PLCE1: variants seen among roughly 807,000 people sequenced by gnomAD.
PLCE1 encodes phospholipase C epsilon 1.
In PLCE1, 119 loss-of-function variants were observed where a neutral mutation model predicts 242.8. The observed-to-expected ratio is 0.49, with a 90% CI of 0.42 to 0.57. The LOEUF (loss-of-function observed/expected upper bound fraction) is 0.57. Among genes scored for constraint, PLCE1 ranks in the 20% least tolerant of loss-of-function variants. The pLI, the probability that PLCE1 is intolerant of heterozygous loss-of-function variation, is 0.00. For synonymous variants in PLCE1, 945 were observed against 1,017.4 expected (o/e 0.93, Z 1.35); for missense variants, 2,441 against 2,788.8 (o/e 0.88, Z 2.81).
At position 94,227,290 on chromosome 10, in the gene PLCE1, T is replaced by C. The variant is rs750152227; in HGVS notation, c.1810-16T>C. Reference sequence around the variant, plus strand: ...CTAGGACATAATTCCCGTGAATGTCTCTGTGTGTTTTCCAGGTGAGCTCCT... The same window carrying C: ...CTAGGACATAATTCCCGTGAATGTCCCTGTGTGTTTTCCAGGTGAGCTCCT... On this transcript the variant is annotated splice_polypyrimidine_tract_variant and intron_variant, in intron 4 of 32. Transcript: ENST00000371380. The C allele has an allele frequency of 1.9e-6, 3 of 1,613,318 alleles. No homozygotes were observed. The Admixed American group carries it at 5.0e-5, about 27-fold the overall frequency.
chr10:94,002,861 C>T (rs1318068311), intron 1 of PLCE1, among the ~76,000 whole-genome samples: 1 of 152,140 alleles, frequency 6.6e-6, no homozygotes, highest in Non-Finnish European at 1.5e-5. Context: ...TCCTAGATTC[C>T]TTGCTTAACA....
intron 4 of PLCE1, among the ~76,000 whole-genome samples, chr10:94,216,886 G>C (rs1459173997): frequency 6.6e-6 from 1 of 151,754 alleles, no homozygotes; most frequent in Non-Finnish European, 1.5e-5. Context: ...GCATTTCTTT[G>C]CCCAGTAGAT....
In PLCE1 at chr10:94,246,094, G is replaced by A. The variant is rs761578986; in HGVS notation, c.2569G>A (p.Val857Met). ...PWYVLSIQAD[V>M]HQFLLQGATV... ...GTACGTGCTGTCCATCCAAGCCGATGTGCACCAGTTCCTGCTGCAGGGGGC... is the reference window on the plus strand; with the variant it reads ...GTACGTGCTGTCCATCCAAGCCGATATGCACCAGTTCCTGCTGCAGGGGGC... The change falls in exon 8 of 33, where the codon GTG (valine) becomes ATG (methionine). Residue 857 changes from valine (V) to methionine (M), a missense_variant. Val to Met is a conservative substitution (Grantham distance 21). Around this residue, in one of 5 missense-constraint regions of PLCE1, gnomAD observed 733 missense variants for 754.2 expected, o/e 0.97. Coordinates refer to ENST00000371380, the MANE Select transcript of PLCE1 (RefSeq NM_016341.4). 6.8e-6 allele frequency: 11 copies of A among 1,614,030 alleles called. No individual in the cohort carries two copies.
chr10:94,142,224 G>A (rs1451182501), intron 3 of PLCE1, among the ~76,000 whole-genome samples: 1 of 152,028 alleles, frequency 6.6e-6, no homozygotes, highest in Non-Finnish European at 1.5e-5. Flanking sequence ...GTGTGACAAT[G>A]TATATAAAGA....
Position 94,229,985 on chromosome 10 carries a change from T to G in PLCE1, c.1955+2534T>G, listed in dbSNP as rs79828874. 5.2e-3 allele frequency among the ~76,000 whole-genome samples: 790 copies of G among 152,332 alleles called. 29 individuals are homozygous for G. The East Asian group carries it at 0.1, about 20-fold the overall frequency. On this transcript the variant is annotated intron_variant, in intron 5 of 32. Coordinates refer to ENST00000371380, the MANE Select transcript of PLCE1 (RefSeq NM_016341.4). ...TGGAGGCAGAGCTTATATGTGCACT[T>G]TTAGGTTTGAAAGTGTTTAGGTTCC...
At chr10:94,091,322 G>T (rs2045059940) in intron 2 of PLCE1, among the ~76,000 whole-genome samples, 1 of 152,136 alleles carries the variant, frequency 6.6e-6, no homozygotes, top group Non-Finnish European at 1.5e-5. Flanking sequence ...ACAATGAAAA[G>T]CCTCCTCCAT....
At chr10:94,243,570 A>AGGTAG (rs2050581554) in intron 7 of PLCE1, among the ~76,000 whole-genome samples, 1 of 152,214 alleles carries the variant, frequency 6.6e-6, no homozygotes, top group Admixed American at 6.5e-5. Context: ...CTGTCTTTGG[A>AGGTAG]ATTTTCTATA....
At chr10:94,126,134 C>G (rs1295793936) in intron 2 of PLCE1, among the ~76,000 whole-genome samples, 1 of 152,196 alleles carries the variant, frequency 6.6e-6, no homozygotes, top group Admixed American at 6.5e-5. Context: ...CAAGTGTTAT[C>G]TAAGCATTGC....
intron 18 of PLCE1, among the ~76,000 whole-genome samples, chr10:94,271,455 C>T (rs2051732623): frequency 6.6e-6 from 1 of 151,668 alleles, no homozygotes; most frequent in Admixed American, 6.6e-5. Flanking sequence ...GCTGGGACTA[C>T]AGGCGCCCAC....
intron 2 of PLCE1, among the ~76,000 whole-genome samples, chr10:94,122,987 T>G (rs1361668197): frequency 6.6e-6 from 1 of 152,106 alleles, no homozygotes; most frequent in African/African-American, 2.4e-5. Context: ...CTTTCTCCAT[T>G]GCTTGCAGCA....
Position 94,298,724 on chromosome 10 carries a change from C to T in PLCE1, c.5458+55C>T. 1 of 1,583,054 alleles carries T rather than the reference C, an allele frequency of 6.3e-7. No homozygotes were observed. Among genetic ancestry groups the T allele is most frequent in the Non-Finnish European group, 8.7e-7 (1 of 1,152,370 alleles). On this transcript the variant is annotated intron_variant, in intron 24 of 32. Transcript: ENST00000371380. This position sits in a 1 kb window ranked among gnomAD's most constrained non-coding sequence, Gnocchi z 5.2. The stretch of plus-strand genomic sequence containing the variant: ...TTTGCATCTTACATTTCAGTAAATG[C>T]AGTTTGACAGCATTTTTTCAAAGGG...
At chr10:94,307,193 A>G (rs1211160024) in intron 26 of PLCE1, among the ~76,000 whole-genome samples, 1 of 152,210 alleles carries the variant, frequency 6.6e-6, no homozygotes, top group Non-Finnish European at 1.5e-5. Context: ...TGGCACTCTG[A>G]TGAATTTCAG....
chr10:94,113,388 T>C (rs1249036553), intron 2 of PLCE1, among the ~76,000 whole-genome samples: 2 of 151,574 alleles, frequency 1.3e-5, no homozygotes, highest in African/African-American at 4.8e-5. Context: ...TCAAAACTAA[T>C]AGACAATAAA....
chr10:94,202,487 C>G (rs2049016071), intron 4 of PLCE1, among the ~76,000 whole-genome samples: 3 of 152,272 alleles, frequency 2.0e-5, no homozygotes, highest in South Asian at 4.2e-4. Context: ...ACCACCACCC[C>G]CCATAGAAGC....
At chr10:94,133,641 T>C (rs973049909) in intron 3 of PLCE1, among the ~76,000 whole-genome samples, 1 of 152,234 alleles carries the variant, frequency 6.6e-6, no homozygotes, top group Non-Finnish European at 1.5e-5. Context: ...AGAGGAATAC[T>C]GTAACCTCCT....
At chr10:94,144,967 T>C (rs976860122) in intron 3 of PLCE1, among the ~76,000 whole-genome samples, 16 of 152,196 alleles carry the variant, frequency 1.1e-4, no homozygotes, top group Non-Finnish European at 1.8e-4. Flanking sequence ...CCAGATAACA[T>C]AGGCTCTTGT....
In PLCE1 at chr10:94,324,368, A is replaced by C. The variant is rs1014600774; in HGVS notation, c.6521A>C (p.Tyr2174Ser). The change falls in exon 31 of 33, where the codon TAT (tyrosine) becomes TCT (serine). Residue 2174 changes from tyrosine to serine, a missense_variant. Coordinates refer to ENST00000371380, the MANE Select transcript of PLCE1 (RefSeq NM_016341.4). ...TTTCAGACCTTATGCAAAGCCAAATATTCCTACAGCATCCTGAGCAACCCC... is the reference window on the plus strand; with the variant it reads ...TTTCAGACCTTATGCAAAGCCAAATCTTCCTACAGCATCCTGAGCAACCCC... ...VIQQTLCKAK[Y>S]SYSILSNPNP... The C allele has an allele frequency of 6.2e-7, 1 of 1,614,078 alleles. No homozygotes were observed. Among genetic ancestry groups the C allele is most frequent in the Non-Finnish European group, 8.5e-7 (1 of 1,179,966 alleles).
At chr10:94,211,536 A>G (rs1437600305) in intron 4 of PLCE1, among the ~76,000 whole-genome samples, 1 of 152,244 alleles carries the variant, frequency 6.6e-6, no homozygotes, top group East Asian at 1.9e-4. Flanking sequence ...CCATTGATTT[A>G]TTCGTTGTTA....
At chr10:94,282,149 AAAGT>A (rs2052256160) in intron 20 of PLCE1, among the ~76,000 whole-genome samples, 1 of 148,298 alleles carries the variant, frequency 6.7e-6, no homozygotes, top group Non-Finnish European at 1.5e-5. Flanking sequence ...ACCCATCTCT[AAAGT>A]CAGGGTGCCC....
Sources: allele counts gnomAD v4.1 joint callset (sites outside exome capture counted in the v4.1 genomes callset), GRCh38; gene constraint gnomAD v4.1.1; regional missense constraint gnomAD v4.1.1; non-coding constraint Gnocchi (gnomAD v3.1); transcripts MANE v1.5; gene names NCBI Gene and HGNC (gene_info 2026-07-23, HGNC 2026-07-21).